DRC8: variants seen among roughly 807,000 people sequenced by gnomAD.
DRC8 encodes the protein dynein regulatory complex subunit 8, also known as dynein regulatory complex protein 8.
At chr1:245,118,484 C>T in the DRC8 span, among the ~76,000 whole-genome samples, 1 of 152,100 alleles carries the variant, frequency 6.6e-6, no homozygotes, top group Non-Finnish European at 1.5e-5. Flanking sequence ...CGGGAAGATA[C>T]TACGTGCTGT....
At chr1:245,061,260 G>C in the DRC8 span, among the ~76,000 whole-genome samples, 17 of 152,206 alleles carry the variant, frequency 1.1e-4, no homozygotes, top group Non-Finnish European at 1.8e-4. Context: ...GGAATCAACT[G>C]TTACTTGGTG....
the DRC8 span, among the ~76,000 whole-genome samples, chr1:245,014,684 G>T: frequency 6.6e-6 from 1 of 152,116 alleles, no homozygotes. Context: ...TGTGGGGGGA[G>T]AAGAGCAGGA....
the DRC8 span, among the ~76,000 whole-genome samples, chr1:245,009,712 C>G: frequency 6.6e-6 from 1 of 152,106 alleles, no homozygotes. Flanking sequence ...CCTGATCCAC[C>G]CTCCTCGGCC....
chr1:245,072,223 A>G, the DRC8 span, among the ~76,000 whole-genome samples: 1 of 152,228 alleles, frequency 6.6e-6, no homozygotes, highest in African/African-American at 2.4e-5. Context: ...CATCCAGACA[A>G]TGGAATATTA....
At chr1:244,978,914 C>T in the DRC8 span, among the ~76,000 whole-genome samples, 1 of 151,622 alleles carries the variant, frequency 6.6e-6, no homozygotes, top group Non-Finnish European at 1.5e-5. Context: ...TTTATCTGAC[C>T]TTTGGTTTGA....
At chr1:245,033,053 C>A in the DRC8 span, among the ~76,000 whole-genome samples, 1 of 151,996 alleles carries the variant, frequency 6.6e-6, no homozygotes, top group African/African-American at 2.4e-5. Flanking sequence ...CATTGGCGTG[C>A]GGACCAGAGC....
the DRC8 span, among the ~76,000 whole-genome samples, chr1:245,095,920 C>T: frequency 3.3e-5 from 5 of 152,146 alleles, no homozygotes; most frequent in Admixed American, 2.0e-4. Context: ...CATTCTAAAC[C>T]CTCCTCAGCA....
the DRC8 span, among the ~76,000 whole-genome samples, chr1:245,109,374 C>G: frequency 6.6e-6 from 1 of 152,110 alleles, no homozygotes; most frequent in African/African-American, 2.4e-5. Context: ...GTCTCATTAC[C>G]CTCCTGCTTA....
the DRC8 span, among the ~76,000 whole-genome samples, chr1:245,047,107 G>A: frequency 2.6e-5 from 4 of 152,328 alleles, no homozygotes; most frequent in East Asian, 7.7e-4. Flanking sequence ...GATGAAAAGG[G>A]CTTCGTCTTT....
chr1:244,970,681 C>A, the DRC8 span: 3 of 432,234 alleles, frequency 6.9e-6, no homozygotes, highest in South Asian at 5.8e-5. Context: ...CCCGCCCCGC[C>A]TCTCTCCCCT....
the DRC8 span, among the ~76,000 whole-genome samples, chr1:245,026,956 C>T: frequency 2.0e-5 from 3 of 152,102 alleles, no homozygotes; most frequent in African/African-American, 7.2e-5. Flanking sequence ...TTCTGCAATG[C>T]TTTCTTGTCA....
At chr1:244,972,434 G>T in the DRC8 span, among the ~76,000 whole-genome samples, 2 of 152,328 alleles carry the variant, frequency 1.3e-5, no homozygotes, top group East Asian at 3.9e-4. Flanking sequence ...CTTGTAGTCC[G>T]TGGACAGCAG....
At chr1:245,113,786 C>G in the DRC8 span, among the ~76,000 whole-genome samples, 691 of 152,264 alleles carry the variant, frequency 4.5e-3, 5 homozygotes, top group African/African-American at 0.016. Flanking sequence ...TTTAATCCCA[C>G]CAAGAACAAG....
the DRC8 span, among the ~76,000 whole-genome samples, chr1:245,085,136 CCT>C: frequency 6.6e-6 from 1 of 152,156 alleles, no homozygotes; most frequent in African/African-American, 2.4e-5. Flanking sequence ...AAATCTACTT[CCT>C]CTCTCAAGGA....
chr1:245,011,454 T>G, the DRC8 span, among the ~76,000 whole-genome samples: 7 of 152,254 alleles, frequency 4.6e-5, no homozygotes, highest in African/African-American at 9.6e-5. Context: ...CTGTGTCAGC[T>G]GTTAGCAACA....
At chr1:244,980,287 G>A in the DRC8 span, among the ~76,000 whole-genome samples, 2 of 151,810 alleles carry the variant, frequency 1.3e-5, no homozygotes, top group South Asian at 2.1e-4. Context: ...GAACCCGGGA[G>A]GTGGAGGTTG....
At chr1:245,040,462 A>G in the DRC8 span, among the ~76,000 whole-genome samples, 3 of 152,194 alleles carry the variant, frequency 2.0e-5, no homozygotes, top group Non-Finnish European at 2.9e-5. Context: ...GATAGGACCA[A>G]TTTCCAATTT....
chr1:245,049,805 G>A, the DRC8 span, among the ~76,000 whole-genome samples: 20 of 152,152 alleles, frequency 1.3e-4, no homozygotes, highest in African/African-American at 3.6e-4. This position sits in a 1 kb window ranked among gnomAD's most constrained non-coding sequence, Gnocchi z 4.5. Context: ...GGCAGCAGTC[G>A]CAGTGGCAGG....
the DRC8 span, among the ~76,000 whole-genome samples, chr1:245,084,611 G>T: frequency 6.6e-6 from 1 of 152,080 alleles, no homozygotes; most frequent in African/African-American, 2.4e-5. Context: ...TACACTGAAG[G>T]TCAGTAGCCT....
Sources: allele counts gnomAD v4.1 joint callset (sites outside exome capture counted in the v4.1 genomes callset), GRCh38; gene constraint gnomAD v4.1.1; non-coding constraint Gnocchi (gnomAD v3.1); transcripts MANE v1.5; gene names NCBI Gene and HGNC (gene_info 2026-07-23, HGNC 2026-07-21).